TMPRSS15: variants seen among roughly 807,000 people sequenced by gnomAD.
TMPRSS15 encodes the protein enteropeptidase.
In TMPRSS15, 128 loss-of-function variants were observed where a neutral mutation model predicts 125.3. The ratio of observed to expected loss-of-function variants is 1.02; its 90% CI spans 0.89 to 1.18. TMPRSS15 has a LOEUF of 1.18. Among genes scored for constraint, TMPRSS15 ranks in the 50% most tolerant of loss-of-function variants. The pLI, the probability that TMPRSS15 is intolerant of heterozygous loss-of-function variation, is 0.00. For missense variants in TMPRSS15, 1,283 were observed against 1,212.7 expected (o/e 1.06, Z -0.86); for synonymous variants, 446 against 423.2 (o/e 1.05, Z -0.66).
intron 13 of TMPRSS15, among the ~76,000 whole-genome samples, chr21:18,338,740 A>AAG (rs57668525): frequency 2.0e-5 from 3 of 151,080 alleles, no homozygotes; most frequent in Non-Finnish European, 4.4e-5. Context: ...AAGAGAGAGA[A>AAG]AGAGAGAGAG....
Position 18,329,184 on chromosome 21 carries a change from C to A in TMPRSS15, c.1765G>T (p.Asp589Tyr). The change falls in exon 15 of 25, where the codon GAT becomes TAT. Residue 589 changes from aspartate to tyrosine, a missense_variant. Physicochemically the swap from Asp to Tyr is radical, Grantham distance 160 (BLOSUM62 -3). Transcript: ENST00000284885. ...GCAGACTTACCTAAGAGCAAGGAAT[C>A]AGCTTCTTCACCATCTCTTATTTCA... ...VVEIRDGEEA[D>Y]SLLLAVYTGP... 6.2e-7 allele frequency: 1 copy of A among 1,612,748 alleles called. No homozygotes were observed. The highest frequency in any genetic ancestry group is 8.5e-7 in the Non-Finnish European group (1 of 1,179,092).
rs1405582318 is a variant in TMPRSS15, at chr21:18,317,909, T to C, written c.1922-2653A>G. ...CATCCCATCCCATCCCATCCCATCC[T>C]ATCCCAACCCATTCTATTCCATAAC... is the stretch of plus-strand genomic sequence containing the variant. On this transcript the variant is annotated intron_variant, in intron 16 of 24. Transcript: ENST00000284885. Among the ~76,000 whole-genome samples, 436 of 72,600 alleles carry C rather than the reference T, an allele frequency of 6.0e-3. 3 individuals carry two copies. The highest frequency in any genetic ancestry group is 0.019 in the African/African-American group (351 of 18,792). 47.6% of individuals were successfully genotyped at this position (72,600 alleles called of 152,430 possible).
intron 6 of TMPRSS15, among the ~76,000 whole-genome samples, chr21:18,365,700 T>TTCCTTCCTTCCC: frequency 7.4e-6 from 1 of 135,876 alleles, no homozygotes; most frequent in Admixed American, 7.3e-5. Context: ...CCTTCCTTCC[T>TTCCTTCCTTCCC]ACCTTCTCTC....
intron 10 of TMPRSS15, among the ~76,000 whole-genome samples, chr21:18,344,744 G>A (rs1025908825): frequency 2.0e-5 from 3 of 152,124 alleles, no homozygotes; most frequent in African/African-American, 7.2e-5. Context: ...AAGGGTTGTT[G>A]GGATAACATT....
intron 1 of TMPRSS15, among the ~76,000 whole-genome samples, chr21:18,400,407 C>G (rs1284277279): frequency 6.6e-6 from 1 of 151,780 alleles, no homozygotes; most frequent in Non-Finnish European, 1.5e-5. Context: ...AATAGAGAAC[C>G]CACAGTAAAG....
At position 18,270,132 on chromosome 21, in the gene TMPRSS15, G is replaced by A. The variant is rs1298880242; in HGVS notation, c.2905-8C>T. ...TGGTCCTCCTGAATCCCCCTAAAGA[G>A]TGAATTGCAAAACAAAATTGTAGAT... On this transcript the variant is annotated splice_polypyrimidine_tract_variant and splice_region_variant and intron_variant, in intron 24 of 24. Transcript: ENST00000284885. The A allele has an allele frequency of 6.2e-7, 1 of 1,613,212 alleles. No homozygotes were observed.
chr21:18,300,040 G>A (rs1343694738), intron 18 of TMPRSS15, among the ~76,000 whole-genome samples: 1 of 152,082 alleles, frequency 6.6e-6, no homozygotes. Context: ...GTCTAAATGA[G>A]GAAACCTTTT....
chr21:18,320,965 C>T, intron 16 of TMPRSS15, among the ~76,000 whole-genome samples: 1 of 152,112 alleles, frequency 6.6e-6, no homozygotes, highest in East Asian at 1.9e-4. Flanking sequence ...AGTAGCGTTG[C>T]CTCATTTAGT....
At chr21:18,425,293 C>T (rs1254270883) in intron 1 of TMPRSS15, among the ~76,000 whole-genome samples, 2 of 152,082 alleles carry the variant, frequency 1.3e-5, no homozygotes, top group Non-Finnish European at 2.9e-5. Context: ...AAGGACTCCA[C>T]AGTCAAATTT....
intron 8 of TMPRSS15, among the ~76,000 whole-genome samples, chr21:18,358,092 ATT>A (rs2075643322): frequency 6.6e-6 from 1 of 151,808 alleles, no homozygotes; most frequent in Non-Finnish European, 1.5e-5. Flanking sequence ...TTAATTGCAT[ATT>A]AGTCACATCT....
chr21:18,317,793 CCA>C lies in TMPRSS15; in HGVS notation c.1922-2539_1922-2538del, dbSNP rs1423211649. ...CCATCCCATCCCATCCCATCCCATC[CCA>C]TCCCATCCCATCCCATCCCATTCTA... On this transcript the variant is annotated intron_variant, in intron 16 of 24. Transcript: ENST00000284885. 1.2e-3 allele frequency among the ~76,000 whole-genome samples: 153 copies of C among 130,016 alleles called. 2 individuals are homozygous for C. The highest frequency in any genetic ancestry group is 3.6e-3 in the African/African-American group (120 of 33,756). 85.3% of individuals were successfully genotyped at this position (130,016 alleles called of 152,430 possible). A position where few individuals can be genotyped will look rare whatever the true frequency, so the allele number is the denominator to read the frequency against.
At chr21:18,313,467 A>C in intron 17 of TMPRSS15, among the ~76,000 whole-genome samples, 1 of 151,110 alleles carries the variant, frequency 6.6e-6, no homozygotes, top group East Asian at 1.9e-4. Flanking sequence ...TAACCCATAA[A>C]TATATAGAAT....
At chr21:18,388,694 C>T (rs566029147) in intron 3 of TMPRSS15, among the ~76,000 whole-genome samples, 8 of 152,256 alleles carry the variant, frequency 5.3e-5, no homozygotes, top group Non-Finnish European at 1.2e-4. Context: ...CAGACTCAAT[C>T]CTCTACAAAA....
In TMPRSS15 at chr21:18,459,455, G is replaced by A. The variant is rs907992505; in HGVS notation, c.10+26344C>T. On this transcript the variant is annotated intron_variant, in intron 1 of 7. Transcript: ENST00000422787. The stretch of plus-strand genomic sequence containing the variant: ...TGCCTGGCTAATTTTTGTATTTTTA[G>A]TAGAGAGAGGGTTTCACCATGTTGG... Among the ~76,000 whole-genome samples, 16 of 151,960 alleles carry A rather than the reference G, an allele frequency of 1.1e-4. 1 individual carries two copies. Among genetic ancestry groups the A allele is most frequent in the Non-Finnish European group, 1.8e-4 (12 of 67,980 alleles).
intron 1 of TMPRSS15, among the ~76,000 whole-genome samples, chr21:18,453,089 CCA>C (rs1374177372): frequency 1.3e-5 from 2 of 152,168 alleles, no homozygotes. Context: ...TGAACAACTG[CCA>C]CAGTTTATAA....
chr21:18,281,012 A>T, intron 22 of TMPRSS15, 28 bp downstream of exon 22: 4 of 1,603,706 alleles, frequency 2.5e-6, no homozygotes, highest in Non-Finnish European at 3.4e-6. Context: ...GGCAGATAAG[A>T]TGACTAAGAG....
intron 1 of TMPRSS15, among the ~76,000 whole-genome samples, chr21:18,459,866 G>C (rs1978519492): frequency 6.6e-6 from 1 of 152,106 alleles, no homozygotes; most frequent in South Asian, 2.1e-4. Flanking sequence ...GCTCAGAGAA[G>C]TTTTGTAATT....
At chr21:18,372,427 T>C (rs2075801723) in intron 5 of TMPRSS15, 103 bp from the exon 6 acceptor site, 2 of 923,540 alleles carry the variant, frequency 2.2e-6, no homozygotes, top group East Asian at 2.7e-5. Flanking sequence ...TATAAGTATG[T>C]TCTTCAACTG....
intron 23 of TMPRSS15, among the ~76,000 whole-genome samples, chr21:18,277,826 GC>G (rs2074640073): frequency 6.6e-6 from 1 of 152,144 alleles, no homozygotes; most frequent in Non-Finnish European, 1.5e-5. Flanking sequence ...AGACTACAGA[GC>G]CTTTTCTGGT....
Sources: gnomAD v4.1 joint callset for allele counts (sites outside exome capture counted in the v4.1 genomes callset) on GRCh38, gnomAD v4.1.1 for gene constraint, MANE v1.5 for transcripts, NCBI Gene and HGNC (gene_info 2026-07-23, HGNC 2026-07-21) for gene names.